The following RIMBP2 variants were observed in gnomAD, a reference collection of about 807,000 sequenced individuals.
RIMBP2 encodes the protein RIMS-binding protein 2.
In RIMBP2, 48 loss-of-function variants were observed where a neutral mutation model predicts 118.6. The ratio of observed to expected loss-of-function variants is 0.40; its 90% CI spans 0.32 to 0.51. RIMBP2 has a LOEUF of 0.51. Ranked by LOEUF, RIMBP2 falls within the 20% of genes least tolerant of loss-of-function variation. The probability of loss-of-function intolerance (pLI) is 0.41; values close to 1 mark genes in which losing one functional copy is unlikely to be tolerated. For missense variants in RIMBP2, 1,551 were observed against 1,768.3 expected (o/e 0.88, Z 2.20); for synonymous variants, 762 against 742.9 (o/e 1.03, Z -0.42).
At chr12:130,580,884 G>A (rs1384001061) in intron 2 of RIMBP2, among the ~76,000 whole-genome samples, 1 of 152,124 alleles carries the variant, frequency 6.6e-6, no homozygotes, top group African/African-American at 2.4e-5. Context: ...AGGTTGCAGT[G>A]AGCCGAGAAA....
chr12:130,419,193 C>T lies in RIMBP2; in HGVS notation c.3238+3260G>A, dbSNP rs1317072678. Among the ~76,000 whole-genome samples, 2 of 152,094 alleles carry T rather than the reference C, an allele frequency of 1.3e-5. No homozygotes were observed. Among genetic ancestry groups the T allele is most frequent in the African/African-American group, 4.8e-5 (2 of 41,416 alleles). ...GACTGGGCAGTTGGGGGTCCCTTGT[C>T]CTTGGTGATGGCAGGCGAGACTGAA... On this transcript the variant is annotated intron_variant, in intron 17 of 22. Transcript: ENST00000690449. This position sits in a 1 kb window ranked among gnomAD's most constrained non-coding sequence, Gnocchi z 4.3.
chr12:130,648,511 A>G (rs1159211850), intron 1 of RIMBP2, among the ~76,000 whole-genome samples: 1 of 145,690 alleles, frequency 6.9e-6, no homozygotes, highest in Non-Finnish European at 1.6e-5. Flanking sequence ...ATCAAATTCA[A>G]GCTATATACA....
At chr12:130,582,098 C>A (rs750672663) in intron 2 of RIMBP2, among the ~76,000 whole-genome samples, 3 of 152,084 alleles carry the variant, frequency 2.0e-5, no homozygotes, top group African/African-American at 7.2e-5. Context: ...AAACATCCAA[C>A]TAAAATTACA....
At chr12:130,667,071 GGGAGGAAAAAAT>G in intron 1 of RIMBP2, among the ~76,000 whole-genome samples, 1 of 60,828 alleles carries the variant, frequency 1.6e-5, no homozygotes, top group South Asian at 5.2e-4. Flanking sequence ...GAAGAAGGGA[GGGAGGAAAAAAT>G]GAGGGAGGGA....
chr12:130,503,255 G>A (rs1183803646), intron 4 of RIMBP2, among the ~76,000 whole-genome samples: 3 of 151,872 alleles, frequency 2.0e-5, no homozygotes, highest in Admixed American at 6.6e-5. Context: ...TATTATCCGG[G>A]TGTGGTGGTG....
At chr12:130,428,004 T>A in intron 15 of RIMBP2, 175 bp downstream of exon 15, 1 of 584,986 alleles carries the variant, frequency 1.7e-6, no homozygotes, top group Non-Finnish European at 2.8e-6. Context: ...AAGACAGGAG[T>A]GTAGGTAATT....
At position 130,615,596 on chromosome 12, in the gene RIMBP2, G is replaced by C. The variant is rs547029273; in HGVS notation, c.-217+12726C>G. On this transcript the variant is annotated intron_variant, in intron 2 of 22. Transcript: ENST00000690449. ...CAAAGTGCTGGGATTATAGGTGTGA[G>C]CCACTGGGCCTAGCCTAGATTCTCA... Among the ~76,000 whole-genome samples the C allele has an allele frequency of 1.6e-4, 25 of 152,106 alleles. No homozygotes were observed. The South Asian group carries it at 5.0e-3, about 30-fold the overall frequency.
intron 1 of RIMBP2, among the ~76,000 whole-genome samples, chr12:130,691,426 T>C (rs2065300709): frequency 6.6e-6 from 1 of 152,088 alleles, no homozygotes; most frequent in South Asian, 2.1e-4. Context: ...TCACAGCACT[T>C]TGGGAGGCTG....
intron 1 of RIMBP2, among the ~76,000 whole-genome samples, chr12:130,655,862 G>GA (rs1566431313): frequency 6.6e-6 from 1 of 152,224 alleles, no homozygotes; most frequent in African/African-American, 2.4e-5. Context: ...AGGCACAGGC[G>GA]ACGGGAATGT....
In RIMBP2 at chr12:130,523,936, G is replaced by A. The variant is rs1304203684; in HGVS notation, c.-216-6019C>T. ...CAAATACATAACAAAGGCATGTAAGGGCACAGCAAGGTCTCTGGCTCTCAG... is the reference window on the plus strand; with the variant it reads ...CAAATACATAACAAAGGCATGTAAGAGCACAGCAAGGTCTCTGGCTCTCAG... On this transcript the variant is annotated intron_variant, in intron 2 of 22. Transcript: ENST00000690449. The surrounding 1 kb of genome is among the most constrained non-coding windows in gnomAD (Gnocchi z 4.4). 6.6e-6 allele frequency among the ~76,000 whole-genome samples: 1 copy of A among 152,160 alleles called. No homozygotes were observed. The highest frequency in any genetic ancestry group is 1.5e-5 in the Non-Finnish European group (1 of 68,034).
At chr12:130,652,710 T>G (rs1296008926) in intron 1 of RIMBP2, among the ~76,000 whole-genome samples, 1 of 152,338 alleles carries the variant, frequency 6.6e-6, no homozygotes, top group East Asian at 1.9e-4. Context: ...GAAAAGAGTT[T>G]TAATTGGCTC....
At chr12:130,611,312 C>T (rs986566570) in intron 2 of RIMBP2, among the ~76,000 whole-genome samples, 21 of 152,232 alleles carry the variant, frequency 1.4e-4, no homozygotes, top group Non-Finnish European at 2.1e-4. Flanking sequence ...CTCCAGGAGC[C>T]GCCTTCTCCT....
intron 13 of RIMBP2, among the ~76,000 whole-genome samples, chr12:130,435,775 G>T (rs142994241): frequency 6.0e-4 from 91 of 152,378 alleles, no homozygotes; most frequent in African/African-American, 2.0e-3. Flanking sequence ...CAGTTTTTCA[G>T]GAGGTGCTGA....
intron 1 of RIMBP2, among the ~76,000 whole-genome samples, chr12:130,653,062 C>T (rs1355161543): frequency 6.6e-6 from 1 of 152,132 alleles, no homozygotes; most frequent in African/African-American, 2.4e-5. Flanking sequence ...CCTGGTCCCC[C>T]AAATCTCATG....
Position 130,424,276 on chromosome 12 carries a change from TG to T in RIMBP2, c.2994del (p.Arg999GlyfsTer22), listed in dbSNP as rs982210165. The T allele has an allele frequency of 6.5e-6, 8 of 1,231,630 alleles. No homozygotes were observed. In the African/African-American group the frequency reaches 1.2e-4, roughly 19 times the overall value. 76.3% of individuals were successfully genotyped at this position (1,231,630 alleles called of 1,614,324 possible). On this transcript the variant is annotated frameshift_variant, in exon 16 of 23. Transcript: ENST00000690449. LOFTEE classifies it high-confidence loss of function. This position sits in a 1 kb window ranked among gnomAD's most constrained non-coding sequence, Gnocchi z 9.8. ...GTGGGCTCGCCCCAGCCGTGCTTCC[TG>T]GGGGGCGGCCTCTCCGGGCCGGGCT... is the stretch of plus-strand genomic sequence containing the variant. ...DPQPGPERPP[P>X]RKHGWGEPTE...
At chr12:130,457,046 T>C (rs1241742634) in intron 6 of RIMBP2, among the ~76,000 whole-genome samples, 1 of 152,178 alleles carries the variant, frequency 6.6e-6, no homozygotes, top group Non-Finnish European at 1.5e-5. Flanking sequence ...CAACCGTAGA[T>C]TGTTCTGGGC....
At chr12:130,596,638 T>C (rs560947730) in intron 2 of RIMBP2, among the ~76,000 whole-genome samples, 3 of 152,202 alleles carry the variant, frequency 2.0e-5, no homozygotes, top group Non-Finnish European at 4.4e-5. Flanking sequence ...GTAGTCACAG[T>C]GTGTAATGCG....
intron 1 of RIMBP2, among the ~76,000 whole-genome samples, chr12:130,675,428 T>C (rs1445200858): frequency 3.3e-5 from 5 of 152,260 alleles, no homozygotes; most frequent in African/African-American, 1.2e-4. Flanking sequence ...GCCAGCCTGC[T>C]CTGCACAGAG....
chr12:130,590,438 C>A (rs1433189400), intron 2 of RIMBP2, among the ~76,000 whole-genome samples: 1 of 152,170 alleles, frequency 6.6e-6, no homozygotes, highest in Non-Finnish European at 1.5e-5. Flanking sequence ...CAGCTCCGCC[C>A]ATCAGAGTCC....
Sources: allele counts gnomAD v4.1 joint callset (sites outside exome capture counted in the v4.1 genomes callset), GRCh38; gene constraint gnomAD v4.1.1; non-coding constraint Gnocchi (gnomAD v3.1); transcripts MANE v1.5; gene names NCBI Gene and HGNC (gene_info 2026-07-23, HGNC 2026-07-21).